The following EPB41L2 variants were observed in gnomAD, a reference collection of about 807,000 sequenced individuals.
EPB41L2 encodes the protein erythrocyte membrane protein band 4.1 like 2, also known as band 4.1-like protein 2.
EPB41L2 carries 43 observed loss-of-function variants against 113.0 expected under a neutral mutation model. That is an observed-to-expected ratio of 0.38 (90% confidence interval 0.30 to 0.49). EPB41L2 has a LOEUF of 0.49. Among genes scored for constraint, EPB41L2 ranks in the 20% least tolerant of loss-of-function variants. The pLI is 0.95. For synonymous variants in EPB41L2, 442 were observed against 436.7 expected, an observed-to-expected ratio of 1.01 and a Z score of -0.15; for missense variants, 1,147 against 1,223.4, an observed-to-expected ratio of 0.94 and a Z score of 0.93.
chr6:131,019,037 T>C (rs1246699985), intron 1 of EPB41L2, among the ~76,000 whole-genome samples: 1 of 152,218 alleles, frequency 6.6e-6, no homozygotes, highest in Non-Finnish European at 1.5e-5. Flanking sequence ...TAGGACTGGC[T>C]GACCCATAAA....
At position 130,885,093 on chromosome 6, in the gene EPB41L2, T is replaced by C. The variant is rs1412180446; in HGVS notation, c.1833+3A>G. On this transcript the variant is annotated splice_donor_region_variant and intron_variant, in intron 12 of 19. Transcript: ENST00000337057. ...AACCACATACTGTGCTAATTTACCA[T>C]ACCTTTCCTTCAATGAGCTGCAAAT... 5.6e-6 allele frequency: 9 copies of C among 1,613,926 alleles called. No homozygotes were observed. Among genetic ancestry groups the C allele is most frequent in the Non-Finnish European group, 1.7e-6 (2 of 1,179,966 alleles).
At chr6:131,043,109 G>A (rs1794760221) in intron 1 of EPB41L2, among the ~76,000 whole-genome samples, 1 of 152,044 alleles carries the variant, frequency 6.6e-6, no homozygotes, top group Non-Finnish European at 1.5e-5. Flanking sequence ...GACCAGCCTG[G>A]TAAACATGGC....
At chr6:131,024,650 A>C (rs564958887) in intron 1 of EPB41L2, among the ~76,000 whole-genome samples, 1 of 151,054 alleles carries the variant, frequency 6.6e-6, no homozygotes, top group East Asian at 2.0e-4. Flanking sequence ...GTTATCTCCC[A>C]GATGTCTACT....
At chr6:130,927,511 GCCTCCTC>G (rs1010013447) in intron 3 of EPB41L2, among the ~76,000 whole-genome samples, 67 of 152,108 alleles carry the variant, frequency 4.4e-4, no homozygotes, top group African/African-American at 1.5e-3. Flanking sequence ...TCAGACACAC[GCCTCCTC>G]CCCAGGTGCA....
intron 14 of EPB41L2, chr6:130,872,538 T>C: frequency 7.8e-7 from 1 of 1,288,284 alleles, no homozygotes; most frequent in Non-Finnish European, 1.0e-6. Context: ...TCTTCTAGGC[T>C]CTAGAGAGGT....
chr6:131,004,830 T>C (rs536572371), intron 1 of EPB41L2, among the ~76,000 whole-genome samples: 4 of 152,288 alleles, frequency 2.6e-5, no homozygotes, highest in African/African-American at 9.6e-5. Context: ...TCCTTTTTAG[T>C]AGCCACCGAA....
At chr6:130,916,705 A>T (rs1321758183) in intron 4 of EPB41L2, among the ~76,000 whole-genome samples, 1 of 152,228 alleles carries the variant, frequency 6.6e-6, no homozygotes, top group East Asian at 1.9e-4. Context: ...AATGCTTCTC[A>T]AACTTTAAAG....
chr6:130,984,057 T>A (rs998274424), intron 1 of EPB41L2, among the ~76,000 whole-genome samples: 1 of 152,178 alleles, frequency 6.6e-6, no homozygotes. Context: ...TTTAAACTCT[T>A]TTGTTAAAAA....
intron 3 of EPB41L2, among the ~76,000 whole-genome samples, chr6:130,928,085 T>C (rs1805362075): frequency 6.6e-6 from 1 of 152,170 alleles, no homozygotes; most frequent in Admixed American, 6.5e-5. Context: ...AGTGAGACCC[T>C]GTCTCAATAA....
rs778791819 is a variant in EPB41L2 at position 130,880,196 on chromosome 6, A to C, written c.1844T>G (p.Leu615Trp). The C allele has an allele frequency of 3.7e-6, 6 of 1,608,468 alleles. No individual in the cohort carries two copies. The highest frequency in any genetic ancestry group is 1.1e-5 in the South Asian group (1 of 90,862). Residue 615 changes from leucine to tryptophan, a missense_variant, in exon 13 of 20, where the codon TTG becomes TGG. Physicochemically the swap from Leu to Trp is moderately conservative, Grantham distance 61. Transcript: ENST00000337057. Reference sequence around the variant, plus strand: ...ATAAATATTATCCCCTTCTACTCTCAAGGAATTTTTCTGTGAAATTAAATC... The same window carrying C: ...ATAAATATTATCCCCTTCTACTCTCCAGGAATTTTTCTGTGAAATTAAATC... The part of the protein sequence containing the change: ...LQLIEGKKNS[L>W]RVEGDNIYVR...
At chr6:130,974,423 C>T (rs60135051) in intron 1 of EPB41L2, among the ~76,000 whole-genome samples, 3,990 of 152,204 alleles carry the variant, frequency 0.026, 181 homozygotes, top group African/African-American at 0.092. Context: ...GAACCCAATG[C>T]TACTGCTCAG....
intron 9 of EPB41L2, 149 bp from the exon 10 acceptor site, chr6:130,894,590 T>C (rs1336287035): frequency 8.7e-6 from 6 of 689,786 alleles, no homozygotes; most frequent in Non-Finnish European, 1.4e-5. Flanking sequence ...CATATAAAGA[T>C]GAATTTCATA....
intron 1 of EPB41L2, among the ~76,000 whole-genome samples, chr6:130,971,825 C>G (rs902980209): frequency 1.3e-5 from 2 of 152,142 alleles, no homozygotes; most frequent in Non-Finnish European, 2.9e-5. Context: ...GACAAACTTT[C>G]AGATATAGAA....
In EPB41L2 at chr6:130,865,746, GT is replaced by G. The variant is rs1783546138; in HGVS notation, c.2731-113del. 2.8e-6 allele frequency: 3 copies of G among 1,071,908 alleles called. No individual in the cohort carries two copies. In the Admixed American group the frequency reaches 6.4e-5, roughly 23 times the overall value. 66.4% of individuals were successfully genotyped at this position (1,071,908 alleles called of 1,614,324 possible). A position where few individuals can be genotyped will look rare whatever the true frequency, so the allele number is the denominator to read the frequency against. ...CTTTTAAAATCCATGTGGTTTGCGT[GT>G]TTGCAGTAGTAATTACCATCCAGGA... On this transcript the variant is annotated intron_variant, in intron 16 of 19. Transcript: ENST00000337057.
Position 130,862,359 on chromosome 6 carries a change from C to CA in EPB41L2, c.2910+1278dup, listed in dbSNP as rs1170188049. Among the ~76,000 whole-genome samples, 7 of 152,144 alleles carry CA rather than the reference C, an allele frequency of 4.6e-5. No individual in the cohort carries two copies. The East Asian group carries it at 1.4e-3, about 29-fold the overall frequency. On this transcript the variant is annotated intron_variant, in intron 18 of 19. Coordinates refer to ENST00000337057, the MANE Select transcript of EPB41L2 (RefSeq NM_001431.4). Reference sequence around the variant, plus strand: ...CCCTAGTTTGCACTTTCCACCATGCCAAAAAATGTGAGCTTGTGCTTCACA... The same window carrying CA: ...CCCTAGTTTGCACTTTCCACCATGCCAAAAAAATGTGAGCTTGTGCTTCACA...
intron 1 of EPB41L2, among the ~76,000 whole-genome samples, chr6:130,958,047 T>A (rs1240703843): frequency 6.6e-6 from 1 of 152,214 alleles, no homozygotes; most frequent in Non-Finnish European, 1.5e-5. Context: ...ATATAATGGC[T>A]TCTACGATGT....
chr6:130,860,689 C>T (rs963756588), intron 18 of EPB41L2, among the ~76,000 whole-genome samples: 35 of 152,226 alleles, frequency 2.3e-4, no homozygotes, highest in Middle Eastern at 3.4e-3. Flanking sequence ...CCTGCCACTG[C>T]GCCCGGCTAA....
intron 4 of EPB41L2, among the ~76,000 whole-genome samples, chr6:130,919,248 T>C (rs1802097569): frequency 6.6e-6 from 1 of 152,210 alleles, no homozygotes; most frequent in South Asian, 2.1e-4. Context: ...CCACGTATAA[T>C]AAGGAATTAT....
intron 1 of EPB41L2, among the ~76,000 whole-genome samples, chr6:131,060,881 C>A (rs1374119656): frequency 6.6e-6 from 1 of 152,186 alleles, no homozygotes; most frequent in African/African-American, 2.4e-5. Context: ...TTGAAATATA[C>A]ACACTTAGTT....
Sources: gnomAD v4.1 joint callset for allele counts (sites outside exome capture counted in the v4.1 genomes callset) on GRCh38, gnomAD v4.1.1 for gene constraint, MANE v1.5 for transcripts, NCBI Gene and HGNC (gene_info 2026-07-23, HGNC 2026-07-21) for gene names.